CNN3: variants seen among roughly 807,000 people sequenced by gnomAD.
The protein encoded by CNN3 is calponin-3.
Under a neutral mutation model 39.0 loss-of-function variants are expected in CNN3, and 11 were observed. The observed-to-expected ratio is 0.28, with a 90% CI of 0.18 to 0.47. CNN3 has a LOEUF of 0.47. Ranked by LOEUF, CNN3 falls within the 20% of genes least tolerant of loss-of-function variation. The pLI, the probability that CNN3 is intolerant of heterozygous loss-of-function variation, is 0.99. For missense variants in CNN3, 266 were observed against 403.4 expected (o/e 0.66, Z 2.92); for synonymous variants, 101 against 138.3 (o/e 0.73, Z 1.89).
At chr1:94,916,722 G>C (rs1321766244) in intron 1 of CNN3, among the ~76,000 whole-genome samples, 1 of 152,176 alleles carries the variant, frequency 6.6e-6, no homozygotes, top group Non-Finnish European at 1.5e-5. Context: ...GCTTGAATTA[G>C]AAGCCCATTT....
intron 1 of CNN3, among the ~76,000 whole-genome samples, chr1:94,905,139 C>A (rs1670962978): frequency 1.3e-5 from 2 of 152,106 alleles, no homozygotes; most frequent in African/African-American, 4.8e-5. Flanking sequence ...GCCTGATCAC[C>A]AGGATCAGGA....
At position 94,902,159 on chromosome 1, in the gene CNN3, T is replaced by A. The variant is rs1464339388; in HGVS notation, c.346A>T (p.Thr116Ser). ...GCCACCAGAGTAGTCTGAACCTGGGTCATGTTTCCATTCTCAAAAAGATCA... is the reference window on the plus strand; with the variant it reads ...GCCACCAGAGTAGTCTGAACCTGGGACATGTTTCCATTCTCAAAAAGATCA... ...ANDLFENGNM[T>S]QVQTTLVALA... The change falls in exon 4 of 7, where the codon ACC becomes TCC. Residue 116 changes from threonine to serine, a missense_variant. Coordinates refer to ENST00000370206, the MANE Select transcript of CNN3 (RefSeq NM_001839.5). 1 of 1,613,608 alleles carries A rather than the reference T, an allele frequency of 6.2e-7. No individual in the cohort carries two copies. The highest frequency in any genetic ancestry group is 1.1e-5 in the South Asian group (1 of 91,062).
intron 1 of CNN3, chr1:94,925,680 T>C: frequency 8.1e-6 from 8 of 985,438 alleles, no homozygotes; most frequent in Non-Finnish European, 9.6e-6. Context: ...AGCCCCGGGA[T>C]GTTCCAGCTC....
chr1:94,923,502 C>CTT (rs34777919), intron 1 of CNN3, among the ~76,000 whole-genome samples: 27 of 144,040 alleles, frequency 1.9e-4, no homozygotes, highest in Non-Finnish European at 2.7e-4. Flanking sequence ...AATTCTTAGG[C>CTT]TTTTTTTTTT....
intron 5 of CNN3, among the ~76,000 whole-genome samples, chr1:94,901,177 A>T (rs1038570575): frequency 6.6e-6 from 1 of 152,086 alleles, no homozygotes; most frequent in African/African-American, 2.4e-5. Context: ...AACATGGTGA[A>T]ATCCTATCTC....
intron 1 of CNN3, among the ~76,000 whole-genome samples, chr1:94,923,008 G>A (rs949759828): frequency 6.6e-6 from 1 of 152,032 alleles, no homozygotes; most frequent in Admixed American, 6.5e-5. Context: ...AAAACATACC[G>A]AGGTAAGATT....
rs1671580946 is a variant in CNN3 at position 94,926,396 on chromosome 1, C to G, written c.57+442G>C. Among the ~76,000 whole-genome samples, 1 of 152,222 alleles carries G rather than the reference C, an allele frequency of 6.6e-6. No homozygotes were observed. The highest frequency in any genetic ancestry group is 2.1e-4 in the South Asian group (1 of 4,838). The stretch of plus-strand genomic sequence containing the variant: ...TGGGGAGGCGCGGAGTCCGCCAGCA[C>G]CCGGGGCCCGGGCAGATGGCGGGGG... On this transcript the variant is annotated intron_variant, in intron 1 of 6. Coordinates refer to ENST00000370206, the MANE Select transcript of CNN3 (RefSeq NM_001839.5). This position sits in a 1 kb window ranked among gnomAD's most constrained non-coding sequence, Gnocchi z 4.2.
At chr1:94,910,408 A>T (rs772900855) in intron 1 of CNN3, among the ~76,000 whole-genome samples, 2 of 152,202 alleles carry the variant, frequency 1.3e-5, no homozygotes, top group Non-Finnish European at 2.9e-5. Context: ...TGTTTAAAAT[A>T]AAGAGAGAAC....
At position 94,927,083 on chromosome 1, in the gene CNN3, C is replaced by A. The variant is rs1412933518; in HGVS notation, c.-189G>T. 1.8e-6 allele frequency: 1 copy of A among 540,674 alleles called. No homozygotes were observed. Among genetic ancestry groups the A allele is most frequent in the Non-Finnish European group, 3.2e-6 (1 of 313,734 alleles). 33.5% of individuals were successfully genotyped at this position (540,674 alleles called of 1,614,324 possible). A position where few individuals can be genotyped will look rare whatever the true frequency, so the allele number is the denominator to read the frequency against. ...TGGGTCCAACTGGGTGCTACAGAGC[C>A]TCGAGCTCCGCTGCGAAGCACCCGG... On this transcript the variant is annotated 5_prime_UTR_variant, in exon 1 of 7. It adds an upstream start codon to the 5' untranslated region. Transcript: ENST00000370206.
At chr1:94,915,644 G>C (rs1245872258) in intron 1 of CNN3, among the ~76,000 whole-genome samples, 2 of 152,128 alleles carry the variant, frequency 1.3e-5, no homozygotes, top group African/African-American at 4.8e-5. Flanking sequence ...AGACAACCAG[G>C]CTCTAACAAA....
At chr1:94,913,861 G>A (rs1382121980) in intron 1 of CNN3, among the ~76,000 whole-genome samples, 53 of 152,174 alleles carry the variant, frequency 3.5e-4, no homozygotes. Context: ...AAAATATCAT[G>A]TTTTGAGTGC....
rs1310256098 is a variant in CNN3 at position 94,926,647 on chromosome 1, G to T, written c.57+191C>A. Among the ~76,000 whole-genome samples the T allele has an allele frequency of 6.6e-6, 1 of 152,172 alleles. No homozygotes were observed. The highest frequency in any genetic ancestry group is 1.5e-5 in the Non-Finnish European group (1 of 68,014). ...GGCGCGGGAACAAAGCCAGGCGGGTGCCCGGGAGCCGGCCCCGCAAGCCCG... is the reference window on the plus strand; with the variant it reads ...GGCGCGGGAACAAAGCCAGGCGGGTTCCCGGGAGCCGGCCCCGCAAGCCCG... On this transcript the variant is annotated intron_variant, in intron 1 of 6. Coordinates refer to ENST00000370206, the MANE Select transcript of CNN3 (RefSeq NM_001839.5). This position sits in a 1 kb window ranked among gnomAD's most constrained non-coding sequence, Gnocchi z 4.2.
rs1671596754 is a variant in CNN3, at chr1:94,926,813, C to CAA, written c.57+24_57+25insTT. 1 of 1,606,102 alleles carries CAA rather than the reference C, an allele frequency of 6.2e-7. No individual in the cohort carries two copies. Among genetic ancestry groups the CAA allele is most frequent in the Non-Finnish European group, 8.5e-7 (1 of 1,176,456 alleles). On this transcript the variant is annotated intron_variant, in intron 1 of 6. Transcript: ENST00000370206. This position sits in a 1 kb window ranked among gnomAD's most constrained non-coding sequence, Gnocchi z 4.2. ...CAGCCCAAGGGTGCCCCGGGGGCCCCCGCGCCCGCCCGAGCCAGGCGTACC... is the reference window on the plus strand; with the variant it reads ...CAGCCCAAGGGTGCCCCGGGGGCCCCAACGCGCCCGCCCGAGCCAGGCGTACC...
intron 1 of CNN3, chr1:94,924,417 T>C (rs553640350): frequency 1.3e-5 from 2 of 152,304 alleles, no homozygotes; most frequent in South Asian, 2.1e-4. Context: ...AGGTCAGGAG[T>C]TGGAGACCAG....
chr1:94,899,303 T>G, intron 6 of CNN3, 68 bp downstream of exon 6: 1 of 1,492,904 alleles, frequency 6.7e-7, no homozygotes, highest in South Asian at 1.3e-5. Flanking sequence ...AAATACCTAC[T>G]TTAAACTTCT....
At chr1:94,898,958 T>C (rs1387951334) in intron 6 of CNN3, among the ~76,000 whole-genome samples, 4 of 152,178 alleles carry the variant, frequency 2.6e-5, no homozygotes, top group Non-Finnish European at 5.9e-5. Context: ...CCATGTTGCA[T>C]TTCCATCTCC....
rs150375714 is a variant in CNN3, at chr1:94,906,571, G to A, written c.58-3047C>T. Reference sequence around the variant, plus strand: ...AGGGTGAGAGGAGTTCTGCCTTGGCGCCATGCCTGGCTCCATCTATCTTTG... The same window carrying A: ...AGGGTGAGAGGAGTTCTGCCTTGGCACCATGCCTGGCTCCATCTATCTTTG... On this transcript the variant is annotated intron_variant, in intron 1 of 6. Coordinates refer to ENST00000370206, the MANE Select transcript of CNN3 (RefSeq NM_001839.5). Among the ~76,000 whole-genome samples, 408 of 152,258 alleles carry A rather than the reference G, an allele frequency of 2.7e-3. 3 individuals carry two copies. The highest frequency in any genetic ancestry group is 8.8e-3 in the African/African-American group (367 of 41,548).
chr1:94,923,076 A>AGGTTCCT (rs1671487819), intron 1 of CNN3, among the ~76,000 whole-genome samples: 1 of 152,200 alleles, frequency 6.6e-6, no homozygotes, highest in South Asian at 2.1e-4. Flanking sequence ...CCTGTAAGAA[A>AGGTTCCT]GGTTCCTGCG....
At chr1:94,903,375 A>G (rs183841064) in intron 2 of CNN3, 28 bp downstream of exon 2, 1 of 1,560,218 alleles carries the variant, frequency 6.4e-7, no homozygotes, top group East Asian at 2.3e-5. Context: ...GGAAGAGCAG[A>G]AACAGATTCT....
Sources: allele counts gnomAD v4.1 joint callset (sites outside exome capture counted in the v4.1 genomes callset), GRCh38; gene constraint gnomAD v4.1.1; non-coding constraint Gnocchi (gnomAD v3.1); transcripts MANE v1.5; gene names NCBI Gene and HGNC (gene_info 2026-07-23, HGNC 2026-07-21).